Variants in STK38L observed in about 807,000 individuals in gnomAD.
The protein encoded by STK38L is serine/threonine-protein kinase 38-like.
In STK38L, 28 loss-of-function variants were observed where a neutral mutation model predicts 59.7. The observed-to-expected ratio is 0.47, with a 90% CI of 0.35 to 0.64. The LOEUF (loss-of-function observed/expected upper bound fraction) is 0.64, where lower values mean the gene tolerates loss of function less well. STK38L is among the 30% of genes least tolerant of loss of function. The pLI is 0.01. For missense variants in STK38L, 314 were observed against 555.8 expected, an observed-to-expected ratio of 0.56 and a Z score of 4.37; for synonymous variants, 162 against 176.8, an observed-to-expected ratio of 0.92 and a Z score of 0.66.
At chr12:27,284,986 T>G (rs937711173) in intron 1 of STK38L, among the ~76,000 whole-genome samples, 38 of 152,228 alleles carry the variant, frequency 2.5e-4, no homozygotes, top group African/African-American at 8.7e-4. Flanking sequence ...GGGAACAGTT[T>G]TTTTTGGTCA....
intron 3 of STK38L, among the ~76,000 whole-genome samples, chr12:27,307,562 T>C (rs1249110521): frequency 6.6e-6 from 1 of 152,208 alleles, no homozygotes; most frequent in Non-Finnish European, 1.5e-5. Flanking sequence ...TTCACTGATA[T>C]TGTTTCTTTT....
At chr12:27,313,738 A>G (rs575071929) in intron 6 of STK38L, among the ~76,000 whole-genome samples, 1 of 152,206 alleles carries the variant, frequency 6.6e-6, no homozygotes, top group African/African-American at 2.4e-5. Context: ...TCAGTTGTCA[A>G]TTCTGTGTTG....
At chr12:27,317,279 C>T (rs1426550113) in intron 9 of STK38L, 57 bp from the exon 10 acceptor site, 2 of 1,265,354 alleles carry the variant, frequency 1.6e-6, no homozygotes, top group East Asian at 4.6e-5. Flanking sequence ...AAGCCATCCT[C>T]AGATAGATAT....
chr12:27,290,217 G>A (rs1015670478), intron 1 of STK38L, among the ~76,000 whole-genome samples: 11 of 152,122 alleles, frequency 7.2e-5, no homozygotes, highest in African/African-American at 2.7e-4. Flanking sequence ...ACACAAGGTG[G>A]CTATTATTAT....
chr12:27,244,743 G>A (rs576120627), intron 1 of STK38L, among the ~76,000 whole-genome samples: 1 of 152,150 alleles, frequency 6.6e-6, no homozygotes, highest in Non-Finnish European at 1.5e-5. Flanking sequence ...TCCGAAGCAT[G>A]GCTCTTCAAT....
intron 1 of STK38L, among the ~76,000 whole-genome samples, chr12:27,266,190 A>T (rs17411436): frequency 0.034 from 5,171 of 152,346 alleles, 109 homozygotes; most frequent in South Asian, 0.093. Context: ...AAGTGTGTGC[A>T]AAGGTTTACG....
intron 8 of STK38L, 68 bp from the exon 9 acceptor site, chr12:27,315,221 T>A (rs763814849): frequency 6.3e-7 from 1 of 1,576,664 alleles, no homozygotes; most frequent in Non-Finnish European, 8.7e-7. Context: ...GTTTTAGATG[T>A]ATATGTATTT....
chr12:27,297,877 CT>C (rs1591911774), intron 2 of STK38L, 23 bp downstream of exon 2: 3 of 1,611,238 alleles, frequency 1.9e-6, no homozygotes, highest in East Asian at 2.2e-5. Flanking sequence ...CTAATCAAAA[CT>C]TTTTTTAGTT....
chr12:27,276,769 G>A (rs1194663075), intron 1 of STK38L, among the ~76,000 whole-genome samples: 1 of 152,104 alleles, frequency 6.6e-6, no homozygotes, highest in East Asian at 1.9e-4. Flanking sequence ...CATACACAAA[G>A]TTATGGAGAA....
chr12:27,286,884 A>G (rs1201631391), intron 1 of STK38L, among the ~76,000 whole-genome samples: 2 of 152,168 alleles, frequency 1.3e-5, no homozygotes, highest in African/African-American at 4.8e-5. Flanking sequence ...CATATAGGGA[A>G]CATACTGCAT....
At chr12:27,256,151 A>G (rs192281676) in intron 1 of STK38L, among the ~76,000 whole-genome samples, 1 of 152,272 alleles carries the variant, frequency 6.6e-6, no homozygotes, top group Admixed American at 6.5e-5. Flanking sequence ...CAGTGATTGA[A>G]CTAGCCATCT....
In STK38L at chr12:27,322,555, G is replaced by T; in HGVS notation, c.*100G>T. 6.8e-7 allele frequency: 1 copy of T among 1,463,948 alleles called. No individual in the cohort carries two copies. 90.7% of individuals were successfully genotyped at this position (1,463,948 alleles called of 1,614,324 possible). On this transcript the variant is annotated 3_prime_UTR_variant, in exon 14 of 14. Transcript: ENST00000389032. ...ATACACTGAAATACTCCTGAAGATG[G>T]TGGTGCTTATTGACTACAAGAGGAA...
At chr12:27,321,544 A>G (rs1472529195) in intron 12 of STK38L, among the ~76,000 whole-genome samples, 1 of 152,194 alleles carries the variant, frequency 6.6e-6, no homozygotes, top group Non-Finnish European at 1.5e-5. Context: ...TATCTCAAAT[A>G]CTTTATACAA....
chr12:27,261,151 A>G (rs7358633), intron 1 of STK38L, among the ~76,000 whole-genome samples: 6,384 of 152,216 alleles, frequency 0.042, 428 homozygotes, highest in African/African-American at 0.14. Context: ...CACATCCAGA[A>G]TATTTCTTTT....
At chr12:27,247,576 CT>C (rs1341227492) in intron 1 of STK38L, among the ~76,000 whole-genome samples, 5 of 152,124 alleles carry the variant, frequency 3.3e-5, no homozygotes, top group Non-Finnish European at 7.3e-5. Context: ...ATAATTTTGA[CT>C]TATTACCTAT....
intron 1 of STK38L, among the ~76,000 whole-genome samples, chr12:27,285,507 T>C (rs925031668): frequency 1.3e-5 from 2 of 152,184 alleles, no homozygotes; most frequent in Non-Finnish European, 2.9e-5. Context: ...AAGTTTACTT[T>C]TAAGAAAATG....
intron 1 of STK38L, among the ~76,000 whole-genome samples, chr12:27,268,891 G>A (rs372683643): frequency 0.073 from 11,142 of 152,148 alleles, 475 homozygotes; most frequent in African/African-American, 0.12. Context: ...ATTTTTCCAT[G>A]TGTCTTTTGG....
chr12:27,255,247 A>T (rs556362247), intron 1 of STK38L, among the ~76,000 whole-genome samples: 2 of 152,226 alleles, frequency 1.3e-5, no homozygotes, highest in Non-Finnish European at 2.9e-5. Flanking sequence ...CTGCATTTTC[A>T]TACTAACCAA....
At chr12:27,296,422 T>A (rs73083101) in intron 1 of STK38L, among the ~76,000 whole-genome samples, 37 of 152,350 alleles carry the variant, frequency 2.4e-4, no homozygotes, top group Non-Finnish European at 3.5e-4. Flanking sequence ...AAACCCCTAA[T>A]AGGACAACAG....
Sources: gnomAD v4.1 joint callset for allele counts (sites outside exome capture counted in the v4.1 genomes callset) on GRCh38, gnomAD v4.1.1 for gene constraint, MANE v1.5 for transcripts, NCBI Gene and HGNC (gene_info 2026-07-23, HGNC 2026-07-21) for gene names.